The following DNAH12 variants were observed in gnomAD, a reference collection of about 807,000 sequenced individuals.
DNAH12 encodes dynein axonemal heavy chain 12.
Under a neutral mutation model 371.5 loss-of-function variants are expected in DNAH12, and 285 were observed. That is an observed-to-expected ratio of 0.77 (90% CI 0.70 to 0.85). DNAH12 has a LOEUF of 0.85. DNAH12 is among the 40% of genes least tolerant of loss of function. DNAH12 has a pLI of 0.00. For missense variants in DNAH12, 3,611 were observed against 3,689.4 expected (o/e 0.98, Z 0.55); for synonymous variants, 1,200 against 1,213.0 (o/e 0.99, Z 0.22).
chr3:57,508,333 T>C (rs745698572), intron 7 of DNAH12, 49 bp downstream of exon 7: 2 of 1,490,252 alleles, frequency 1.3e-6, no homozygotes, highest in Admixed American at 2.5e-5. Context: ...GTCAAAAATA[T>C]AGACTCAAGC....
At chr3:57,393,662 A>AAGAAAGAAAG (rs1339975805) in intron 44 of DNAH12, among the ~76,000 whole-genome samples, 1 of 145,064 alleles carries the variant, frequency 6.9e-6, no homozygotes, top group African/African-American at 2.8e-5. Context: ...GAAAGAAAGA[A>AAGAAAGAAAG]AAAGAAAAAG....
chr3:57,428,390 G>A lies in DNAH12; in HGVS notation c.5253+243C>T, dbSNP rs17050836. The A allele has an allele frequency of 2.5e-3, 3,597 of 1,417,128 alleles. 46 individuals are homozygous for A. The African/African-American group carries it at 0.04, about 16-fold the overall frequency. 87.8% of individuals were successfully genotyped at this position (1,417,128 alleles called of 1,614,324 possible). A position where few individuals can be genotyped will look rare whatever the true frequency, so the allele number is the denominator to read the frequency against. ...ACATATTTAAAATAATTTGAAATAC[G>A]GAAAGTAATTAGAATTTTTAAAATT... On this transcript the variant is annotated intron_variant, in intron 34 of 73. Transcript: ENST00000495027.
At chr3:57,382,485 A>G (rs888417622) in intron 49 of DNAH12, 92 bp from the exon 50 acceptor site, 1 of 151,746 alleles carries the variant, frequency 6.6e-6, no homozygotes, top group Admixed American at 6.6e-5. Context: ...GGGGAATAAT[A>G]AAAGCATCCC....
At chr3:57,373,481 A>ATTTTTT (rs879077079) in intron 55 of DNAH12, among the ~76,000 whole-genome samples, 1 of 140,976 alleles carries the variant, frequency 7.1e-6, no homozygotes, top group Non-Finnish European at 1.5e-5. Context: ...CACCTGGCTA[A>ATTTTTT]TTTTTTTTTT....
At chr3:57,418,551 C>A (rs12637093) in intron 37 of DNAH12, among the ~76,000 whole-genome samples, 58,957 of 143,130 alleles carry the variant, frequency 0.41, 12,314 homozygotes, top group East Asian at 0.58. Flanking sequence ...AAAAAAAAAA[C>A]AAAAAACTGC....
chr3:57,509,833 T>C (rs2153393664), intron 5 of DNAH12, among the ~76,000 whole-genome samples: 1 of 137,770 alleles, frequency 7.3e-6, no homozygotes, highest in South Asian at 2.3e-4. Context: ...CTGCACTCTA[T>C]TCTGGGCGAC....
chr3:57,522,224 A>C (rs957500731), intron 4 of DNAH12, among the ~76,000 whole-genome samples: 87 of 151,122 alleles, frequency 5.8e-4, no homozygotes, highest in African/African-American at 2.1e-3. Context: ...ACTCCATTTC[A>C]AAAAAAAAAA....
intron 62 of DNAH12, among the ~76,000 whole-genome samples, chr3:57,329,354 CA>C (rs1444437235): frequency 8.1e-6 from 1 of 123,614 alleles, no homozygotes; most frequent in African/African-American, 3.5e-5. Context: ...GTACTGGTAC[CA>C]AAACAGAGAT....
intron 33 of DNAH12, 112 bp from the exon 34 acceptor site, chr3:57,428,933 C>T: frequency 9.1e-7 from 1 of 1,098,340 alleles, no homozygotes; most frequent in Non-Finnish European, 1.3e-6. Context: ...TAGCTCCCAT[C>T]TGCTTCACAT....
At chr3:57,478,259 A>G (rs899737424) in intron 13 of DNAH12, among the ~76,000 whole-genome samples, 2 of 152,218 alleles carry the variant, frequency 1.3e-5, no homozygotes, top group Non-Finnish European at 2.9e-5. Context: ...ACCAAGGCAC[A>G]AGAACTACGT....
At chr3:57,493,252 C>G (rs1395193465) in intron 11 of DNAH12, among the ~76,000 whole-genome samples, 1 of 151,872 alleles carries the variant, frequency 6.6e-6, no homozygotes, top group Admixed American at 6.6e-5. Flanking sequence ...AATCAACTAA[C>G]AGCAGATTGA....
At chr3:57,365,524 G>A (rs2063032082) in intron 57 of DNAH12, among the ~76,000 whole-genome samples, 2 of 152,110 alleles carry the variant, frequency 1.3e-5, no homozygotes, top group Admixed American at 6.6e-5. Context: ...ATACCTAGGT[G>A]ATGGGTTGAT....
chr3:57,427,313 T>C (rs756224413), intron 34 of DNAH12, among the ~76,000 whole-genome samples: 14 of 152,210 alleles, frequency 9.2e-5, no homozygotes, highest in Admixed American at 3.3e-4. Flanking sequence ...GAGGAAGACA[T>C]CATTCTGGAT....
intron 2 of DNAH12, among the ~76,000 whole-genome samples, chr3:57,529,264 G>A (rs1231657073): frequency 6.6e-6 from 1 of 152,118 alleles, no homozygotes; most frequent in African/African-American, 2.4e-5. Flanking sequence ...AAATGAGTTT[G>A]GAAGTATTCC....
At chr3:57,510,743 G>GA (rs775164174) in intron 5 of DNAH12, 47 bp downstream of exon 5, 52 of 1,569,114 alleles carry the variant, frequency 3.3e-5, no homozygotes, top group Non-Finnish European at 4.4e-5. Flanking sequence ...TGGGGACGGG[G>GA]GGAGGCCAAG....
At chr3:57,350,726 G>A (rs2062652825) in intron 60 of DNAH12, among the ~76,000 whole-genome samples, 1 of 152,186 alleles carries the variant, frequency 6.6e-6, no homozygotes, top group Non-Finnish European at 1.5e-5. Context: ...TAGAGAGTGA[G>A]TGCCAATTTG....
At chr3:57,470,670 A>T in intron 15 of DNAH12, 34 bp from the exon 16 acceptor site, 1 of 1,453,278 alleles carries the variant, frequency 6.9e-7, no homozygotes, top group South Asian at 1.3e-5. Flanking sequence ...CTTAAAAAAA[A>T]TTCAAGTAAT....
At chr3:57,421,870 C>T in intron 35 of DNAH12, 164 bp from the exon 36 acceptor site, 9 of 472,246 alleles carry the variant, frequency 1.9e-5, no homozygotes, top group Non-Finnish European at 2.6e-5. Context: ...ATAGTCATTT[C>T]TCTGACAATT....
chr3:57,363,650 T>C lies in DNAH12; in HGVS notation c.9304A>G (p.Ile3102Val), dbSNP rs2062986979. 6.6e-6 allele frequency: 1 copy of C among 152,148 alleles called. No individual in the cohort carries two copies. The highest frequency in any genetic ancestry group is 1.5e-5 in the Non-Finnish European group (1 of 67,994). The allele number at this position is 152,148 out of a possible 1,614,324, so 9.4% of individuals were successfully genotyped here. The change falls in exon 58 of 74, where the codon ATT (isoleucine) becomes GTT (valine). Residue 3102 changes from isoleucine (I) to valine (V), a missense_variant. By Grantham distance (29) the Ile-to-Val change is conservative. Coordinates refer to ENST00000495027, the MANE Select transcript of DNAH12 (RefSeq NM_001366028.2). ...ATTTTGGCAGAGTCTAAGACTTTAATTGCACTTTCATCTTCTAAAATGTTT... is the reference window on the plus strand; with the variant it reads ...ATTTTGGCAGAGTCTAAGACTTTAACTGCACTTTCATCTTCTAAAATGTTT... ...EGNILEDESA[I>V]KVLDSAKMMS...
Sources: allele counts gnomAD v4.1 joint callset (sites outside exome capture counted in the v4.1 genomes callset), GRCh38; gene constraint gnomAD v4.1.1; transcripts MANE v1.5; gene names NCBI Gene and HGNC (gene_info 2026-07-23, HGNC 2026-07-21).